PIEZO2: variants seen among roughly 807,000 people sequenced by gnomAD.
The protein encoded by PIEZO2 is piezo type mechanosensitive ion channel component 2, also known as piezo-type mechanosensitive ion channel component 2.
In PIEZO2, 172 loss-of-function variants were observed where a neutral mutation model predicts 337.3. That is an observed-to-expected ratio of 0.51 (90% CI 0.45 to 0.58). The LOEUF (loss-of-function observed/expected upper bound fraction) is 0.58. Among genes scored for constraint, PIEZO2 ranks in the 20% least tolerant of loss-of-function variants. The pLI, the probability that PIEZO2 is intolerant of heterozygous loss-of-function variation, is 0.00. For missense variants in PIEZO2, 3,028 were observed against 3,391.3 expected (o/e 0.89, Z 2.66); for synonymous variants, 1,251 against 1,228.5 (o/e 1.02, Z -0.38).
At chr18:10,737,310 C>T (rs2037045640) in intron 33 of PIEZO2, among the ~76,000 whole-genome samples, 1 of 117,340 alleles carries the variant, frequency 8.5e-6, no homozygotes, top group African/African-American at 3.9e-5. Context: ...AAAAAACACG[C>T]ACACACTGCC....
intron 2 of PIEZO2, among the ~76,000 whole-genome samples, chr18:11,039,023 T>A (rs993958333): frequency 1.3e-5 from 2 of 152,158 alleles, no homozygotes; most frequent in Non-Finnish European, 2.9e-5. Flanking sequence ...TGTGTCTAAT[T>A]CACAAAATTA....
chr18:10,677,861 C>G lies in PIEZO2; in HGVS notation c.7967G>C (p.Gly2656Ala). ...SWSIQRNLSL[G>A]AKSEIATDKL... ...ATCTGTTGCTATTTCCGATTTTGCA[C>G]CCAGACTTAAGTTTCTGTGAAGAAA... The change falls in exon 53 of 56, where the codon GGT (glycine) becomes GCT (alanine). Residue 2656 changes from glycine to alanine, a missense_variant. Gly to Ala is a moderately conservative substitution (Grantham distance 60). This residue lies in a region of PIEZO2 where 332 missense variants were observed against 363.8 expected (regional missense o/e 0.91). Coordinates refer to ENST00000674853, the MANE Select transcript of PIEZO2 (RefSeq NM_001378183.1). This position sits in a 1 kb window ranked among gnomAD's most constrained non-coding sequence, Gnocchi z 4.1. 1 of 1,588,666 alleles carries G rather than the reference C, an allele frequency of 6.3e-7. No homozygotes were observed. The highest frequency in any genetic ancestry group is 8.5e-7 in the Non-Finnish European group (1 of 1,173,604).
chr18:11,055,042 T>A (rs1193498374), intron 2 of PIEZO2, among the ~76,000 whole-genome samples: 1 of 151,880 alleles, frequency 6.6e-6, no homozygotes, highest in Non-Finnish European at 1.5e-5. Context: ...AAACCCCGTC[T>A]CTACTAAAAA....
chr18:10,992,871 T>A (rs902927831), intron 2 of PIEZO2, among the ~76,000 whole-genome samples: 13 of 152,174 alleles, frequency 8.5e-5, no homozygotes, highest in Admixed American at 2.6e-4. Flanking sequence ...GCATGGAATG[T>A]TTTTCCATTT....
At chr18:10,913,710 A>G (rs1283437856) in intron 3 of PIEZO2, among the ~76,000 whole-genome samples, 1 of 152,116 alleles carries the variant, frequency 6.6e-6, no homozygotes, top group Non-Finnish European at 1.5e-5. Flanking sequence ...TTAAACAGGC[A>G]GGACAAGTCA....
chr18:10,759,826 G>C lies in PIEZO2; in HGVS notation c.3534C>G (p.Val1178=), dbSNP rs542250646. The change falls in exon 25 of 56, where the codon GTC becomes GTG. Residue 1178 remains valine (V), a synonymous_variant. Coordinates refer to ENST00000674853, the MANE Select transcript of PIEZO2 (RefSeq NM_001378183.1). The surrounding 1 kb of genome is among the most constrained non-coding windows in gnomAD (Gnocchi z 5.5). ...AMIHACWLIA[V]LYRRRRKAIA... is the part of the protein sequence containing the mutation. ...TGGCTTTCCTTCTGCGTCTATATAA[G>C]ACAGCGATCAGCCAGCAGGCGTGGA... 83 of 1,537,404 alleles carry C rather than the reference G, an allele frequency of 5.4e-5. 2 individuals carry two copies. In the South Asian group the frequency reaches 9.4e-4, roughly 17 times the overall value.
chr18:10,818,542 G>T (rs960104742), intron 7 of PIEZO2, among the ~76,000 whole-genome samples: 1 of 152,180 alleles, frequency 6.6e-6, no homozygotes, highest in Non-Finnish European at 1.5e-5. Flanking sequence ...GAAAATGGTT[G>T]CAGGATCAAT....
intron 33 of PIEZO2, 106 bp downstream of exon 33, chr18:10,740,925 G>A: frequency 8.4e-7 from 1 of 1,190,044 alleles, no homozygotes; most frequent in Non-Finnish European, 1.2e-6. Context: ...CAAGTCACAA[G>A]GATCAAACCA....
chr18:10,690,128 G>A (rs187264368), intron 48 of PIEZO2, among the ~76,000 whole-genome samples: 5 of 152,198 alleles, frequency 3.3e-5, no homozygotes, highest in South Asian at 4.1e-4. Flanking sequence ...TTGGCCATGC[G>A]GTGCTGAATG....
At chr18:11,072,142 T>A (rs991316297) in intron 1 of PIEZO2, among the ~76,000 whole-genome samples, 1 of 152,180 alleles carries the variant, frequency 6.6e-6, no homozygotes, top group African/African-American at 2.4e-5. Flanking sequence ...TGCATGTACT[T>A]CTACGTCAGT....
intron 13 of PIEZO2, among the ~76,000 whole-genome samples, chr18:10,792,596 C>T (rs1221716605): frequency 6.6e-6 from 1 of 152,342 alleles, no homozygotes; most frequent in South Asian, 2.1e-4. Flanking sequence ...CCACTGGTAG[C>T]ATGCACAGTT....
intron 36 of PIEZO2, chr18:10,725,157 C>A: frequency 6.8e-7 from 1 of 1,476,846 alleles, no homozygotes; most frequent in Non-Finnish European, 9.5e-7. Flanking sequence ...TGAAGTACTG[C>A]GAGGCCTCTG....
Position 10,784,645 on chromosome 18 carries a change from T to C in PIEZO2, c.2492+139A>G. 5.1e-6 allele frequency: 4 copies of C among 789,618 alleles called. No homozygotes were observed. The highest frequency in any genetic ancestry group is 2.5e-5 in the South Asian group (1 of 39,750). The allele number at this position is 789,618 out of a possible 1,614,324, so 48.9% of individuals were successfully genotyped here. The stretch of plus-strand genomic sequence containing the variant: ...AATCTTCCACATGTTTTCCTCTTTT[T>C]CTCACAAGCTGATACTCATGGAAAA... On this transcript the variant is annotated intron_variant, in intron 17 of 55. Transcript: ENST00000674853. This position sits in a 1 kb window ranked among gnomAD's most constrained non-coding sequence, Gnocchi z 4.5.
At chr18:10,989,186 G>A (rs1057432107) in intron 2 of PIEZO2, among the ~76,000 whole-genome samples, 1 of 151,994 alleles carries the variant, frequency 6.6e-6, no homozygotes, top group Non-Finnish European at 1.5e-5. Flanking sequence ...ATGATTTCAT[G>A]GGTGTCTATC....
chr18:10,843,255 A>G (rs1010484742), intron 7 of PIEZO2, among the ~76,000 whole-genome samples: 1 of 151,860 alleles, frequency 6.6e-6, no homozygotes, highest in Non-Finnish European at 1.5e-5. Flanking sequence ...TGATAGCTAA[A>G]TAATTGTTTT....
rs1420074978 is a variant in PIEZO2, at chr18:10,834,452, C to T, written c.917+20901G>A. Among the ~76,000 whole-genome samples the T allele has an allele frequency of 6.6e-6, 1 of 152,200 alleles. No homozygotes were observed. Among genetic ancestry groups the T allele is most frequent in the Non-Finnish European group, 1.5e-5 (1 of 68,034 alleles). ...TTAACTATTACAACTATGATATTAT[C>T]ACTATTAGCCCAGCCCCACTCTGTG... On this transcript the variant is annotated intron_variant, in intron 7 of 55. Transcript: ENST00000674853. The surrounding 1 kb of genome is among the most constrained non-coding windows in gnomAD (Gnocchi z 4.5).
At chr18:10,807,473 T>C (rs979861287) in intron 7 of PIEZO2, among the ~76,000 whole-genome samples, 199 bp from the exon 8 acceptor site, 1 of 152,250 alleles carries the variant, frequency 6.6e-6, no homozygotes, top group African/African-American at 2.4e-5. Context: ...ATAATATGCA[T>C]ATAATATATA....
In PIEZO2 at chr18:10,746,846, G is replaced by C. The variant is rs1034634171; in HGVS notation, c.4424+1625C>G. Among the ~76,000 whole-genome samples the C allele has an allele frequency of 1.3e-5, 2 of 152,176 alleles. No individual in the cohort carries two copies. The highest frequency in any genetic ancestry group is 4.8e-5 in the African/African-American group (2 of 41,446). ...GACTTTCCAGCCTGTGGAACTGTAA[G>C]AATTGAGTGTATACTGTTTATAGAC... On this transcript the variant is annotated intron_variant, in intron 30 of 55. Coordinates refer to ENST00000674853, the MANE Select transcript of PIEZO2 (RefSeq NM_001378183.1). The surrounding 1 kb of genome is among the most constrained non-coding windows in gnomAD (Gnocchi z 4.2).
rs185281885 is a variant in PIEZO2 at position 11,113,261 on chromosome 18, G to A, written c.64+35264C>T. Among the ~76,000 whole-genome samples the A allele has an allele frequency of 8.5e-5, 13 of 152,290 alleles. No individual in the cohort carries two copies. In the East Asian group the frequency reaches 1.3e-3, roughly 16 times the overall value. ...TAGATGGGACTCACAGATGCACACC[G>A]TATTTACCTCCAAGGCCAGACACAG... is the stretch of plus-strand genomic sequence containing the variant. On this transcript the variant is annotated intron_variant, in intron 1 of 55. Coordinates refer to ENST00000674853, the MANE Select transcript of PIEZO2 (RefSeq NM_001378183.1).
Sources: gnomAD v4.1 joint callset for allele counts (sites outside exome capture counted in the v4.1 genomes callset) on GRCh38, gnomAD v4.1.1 for gene constraint, gnomAD v4.1.1 regional missense constraint, Gnocchi (gnomAD v3.1) non-coding constraint, MANE v1.5 for transcripts, NCBI Gene and HGNC (gene_info 2026-07-23, HGNC 2026-07-21) for gene names.